The following FRMD4B variants were observed in gnomAD, a reference collection of about 807,000 sequenced individuals.
The protein encoded by FRMD4B is FERM domain containing 4B, also known as FERM domain-containing protein 4B.
FRMD4B carries 74 observed loss-of-function variants against 141.5 expected under a neutral mutation model. That is an observed-to-expected ratio of 0.52 (90% confidence interval 0.43 to 0.63). FRMD4B has a LOEUF of 0.63. Ranked by LOEUF, FRMD4B falls within the 30% of genes least tolerant of loss-of-function variation. The pLI is 0.00. For synonymous variants in FRMD4B, 506 were observed against 467.9 expected (o/e 1.08, Z -1.05); for missense variants, 1,366 against 1,253.4 (o/e 1.09, Z -1.36).
At chr3:69,484,073 T>G (rs1575586959) in intron 1 of FRMD4B, among the ~76,000 whole-genome samples, 1 of 152,236 alleles carries the variant, frequency 6.6e-6, no homozygotes, top group African/African-American at 2.4e-5. Flanking sequence ...TTCTTTTTTA[T>G]GAACAGGTCT....
At chr3:69,410,722 AATAAATATATATATATATATAT>A (rs1431681759) in intron 2 of FRMD4B, among the ~76,000 whole-genome samples, 44 of 58,542 alleles carry the variant, frequency 7.5e-4, no homozygotes, top group South Asian at 5.4e-3. Flanking sequence ...TAAATAAATA[AATAAATATATATATATATATAT>A]ATATATATAT....
At chr3:69,173,589 ATTG>A (rs1290174973) in intron 22 of FRMD4B, among the ~76,000 whole-genome samples, 1 of 152,230 alleles carries the variant, frequency 6.6e-6, no homozygotes, top group East Asian at 1.9e-4. Flanking sequence ...TTTATGAATG[ATTG>A]TTATTATCCT....
chr3:69,250,461 G>GA (rs1222621687), intron 5 of FRMD4B, among the ~76,000 whole-genome samples: 1 of 152,134 alleles, frequency 6.6e-6, no homozygotes, highest in Non-Finnish European at 1.5e-5. Flanking sequence ...GCACTCTGCA[G>GA]AATTTCCTAG....
At chr3:69,214,220 G>A (rs1037610046) in intron 11 of FRMD4B, among the ~76,000 whole-genome samples, 2 of 152,168 alleles carry the variant, frequency 1.3e-5, no homozygotes, top group Non-Finnish European at 2.9e-5. Context: ...TGAAGAGTAC[G>A]TATGATTATA....
At chr3:69,237,791 C>T (rs1421602354) in intron 7 of FRMD4B, among the ~76,000 whole-genome samples, 3 of 152,174 alleles carry the variant, frequency 2.0e-5, no homozygotes, top group Non-Finnish European at 4.4e-5. Context: ...AGTGCAGTGG[C>T]GCGATCTCGG....
chr3:69,440,217 C>T (rs1034230705), intron 1 of FRMD4B, among the ~76,000 whole-genome samples: 2 of 152,296 alleles, frequency 1.3e-5, no homozygotes, highest in South Asian at 2.1e-4. Context: ...TAATCCATCT[C>T]ACAATTTATT....
At chr3:69,283,738 T>C (rs2093654690) in intron 5 of FRMD4B, among the ~76,000 whole-genome samples, 1 of 152,210 alleles carries the variant, frequency 6.6e-6, no homozygotes, top group Non-Finnish European at 1.5e-5. Flanking sequence ...GTAAATGCTG[T>C]GTTTGAAAAG....
At chr3:69,323,438 G>A (rs1463360047) in intron 1 of FRMD4B, among the ~76,000 whole-genome samples, 1 of 151,252 alleles carries the variant, frequency 6.6e-6, no homozygotes, top group Non-Finnish European at 1.5e-5. Flanking sequence ...GCATGGTAGC[G>A]CATGCTGTAA....
chr3:69,351,297 T>A (rs896462292), intron 1 of FRMD4B, among the ~76,000 whole-genome samples: 13 of 152,226 alleles, frequency 8.5e-5, no homozygotes, highest in Non-Finnish European at 1.5e-4. Context: ...AAAGTCTTAA[T>A]TGGAGCTTCA....
chr3:69,281,122 CG>C (rs886914018), intron 5 of FRMD4B, among the ~76,000 whole-genome samples: 2 of 151,740 alleles, frequency 1.3e-5, no homozygotes, highest in Admixed American at 1.3e-4. Flanking sequence ...TTAGTAGAGA[CG>C]GGGTTTCTCC....
chr3:69,373,760 C>T (rs904275109), intron 1 of FRMD4B, among the ~76,000 whole-genome samples: 3 of 152,016 alleles, frequency 2.0e-5, no homozygotes, highest in East Asian at 1.9e-4. Flanking sequence ...GGAGTCTTAG[C>T]TACTTGAGAG....
intron 1 of FRMD4B, among the ~76,000 whole-genome samples, chr3:69,530,740 T>A (rs1398079046): frequency 1.3e-5 from 2 of 152,102 alleles, no homozygotes; most frequent in African/African-American, 4.8e-5. Context: ...ATGCAGAAAA[T>A]CCTATAATCC....
intron 7 of FRMD4B, among the ~76,000 whole-genome samples, chr3:69,234,827 C>A (rs2093333769): frequency 6.6e-6 from 1 of 152,106 alleles, no homozygotes; most frequent in South Asian, 2.1e-4. Flanking sequence ...GGCTTAAGAA[C>A]CACTGCAATA....
intron 1 of FRMD4B, among the ~76,000 whole-genome samples, chr3:69,496,632 AGAGAAAGAGAGAGAG>A (rs1559545650): frequency 5.0e-5 from 4 of 79,488 alleles, no homozygotes; most frequent in Admixed American, 1.3e-4. Flanking sequence ...AGAGAGAGAG[AGAGAAAGAGAGAGAG>A]AGAGAGAGAG....
intron 1 of FRMD4B, among the ~76,000 whole-genome samples, chr3:69,330,657 T>C (rs1020042427): frequency 6.6e-5 from 10 of 151,954 alleles, no homozygotes; most frequent in Non-Finnish European, 1.3e-4. Context: ...CTTTTTTTTT[T>C]CCTTATCTAT....
chr3:69,305,543 T>G (rs1701363854), intron 3 of FRMD4B, among the ~76,000 whole-genome samples: 1 of 152,190 alleles, frequency 6.6e-6, no homozygotes, highest in African/African-American at 2.4e-5. Context: ...ATACATAACA[T>G]ATTTGATAGT....
At position 69,221,229 on chromosome 3, in the gene FRMD4B, C is replaced by T. The variant is rs568735340; in HGVS notation, c.731+629G>A. 3.9e-5 allele frequency among the ~76,000 whole-genome samples: 6 copies of T among 152,276 alleles called. No individual in the cohort carries two copies. In the South Asian group the frequency reaches 1.0e-3, roughly 26 times the overall value. Reference sequence around the variant, plus strand: ...CCGCCCTCCTCAGCCTACCAAAATGCTGGGATTACAGGCATGAGCCACTGT... The same window carrying T: ...CCGCCCTCCTCAGCCTACCAAAATGTTGGGATTACAGGCATGAGCCACTGT... On this transcript the variant is annotated intron_variant, in intron 9 of 22. Coordinates refer to ENST00000398540, the MANE Select transcript of FRMD4B (RefSeq NM_015123.3).
intron 11 of FRMD4B, among the ~76,000 whole-genome samples, chr3:69,214,248 G>A (rs1032363718): frequency 3.9e-5 from 6 of 152,202 alleles, no homozygotes; most frequent in Non-Finnish European, 7.3e-5. Context: ...TTTATAAAGA[G>A]ATTGGCTGTT....
chr3:69,301,648 AT>A (rs1701222597), intron 4 of FRMD4B, among the ~76,000 whole-genome samples: 1 of 152,168 alleles, frequency 6.6e-6, no homozygotes, highest in African/African-American at 2.4e-5. Context: ...ATCTTATAAC[AT>A]TTTATTTATC....
Sources: allele counts gnomAD v4.1 joint callset (sites outside exome capture counted in the v4.1 genomes callset), GRCh38; gene constraint gnomAD v4.1.1; transcripts MANE v1.5; gene names NCBI Gene and HGNC (gene_info 2026-07-23, HGNC 2026-07-21).